Variants in CAPS2 observed in about 807,000 individuals in gnomAD.
The protein encoded by CAPS2 is calcyphosin-2.
A neutral mutation model predicts 86.5 loss-of-function variants in CAPS2; 98 were observed. The ratio of observed to expected loss-of-function variants is 1.13; its 90% CI spans 0.96 to 1.34. The LOEUF (loss-of-function observed/expected upper bound fraction) is 1.34. CAPS2 is among the 40% of genes most tolerant of loss of function. The pLI, the probability that CAPS2 is intolerant of heterozygous loss-of-function variation, is 0.00. For synonymous variants in CAPS2, 210 were observed against 225.1 expected (o/e 0.93, Z 0.60); for missense variants, 729 against 686.8 (o/e 1.06, Z -0.69).
rs374223368 is a variant in CAPS2 at position 75,316,654 on chromosome 12, G to A, written c.469-220C>T. On this transcript the variant is annotated intron_variant, in intron 5 of 16. Coordinates refer to ENST00000393284, the Ensembl canonical transcript of CAPS2. Reference sequence around the variant, plus strand: ...CTCAGGTGACTTATAGATAAAATGCGAATTAATAATAGGAACTACTTCCCC... The same window carrying A: ...CTCAGGTGACTTATAGATAAAATGCAAATTAATAATAGGAACTACTTCCCC... Among the ~76,000 whole-genome samples the A allele has an allele frequency of 7.2e-5, 11 of 152,072 alleles. No individual in the cohort carries two copies. In the South Asian group the frequency reaches 8.3e-4, roughly 11 times the overall value.
intron 13 of CAPS2, among the ~76,000 whole-genome samples, 190 bp downstream of exon 13, chr12:75,291,552 AGC>A (rs1234763286): frequency 1.2e-4 from 13 of 108,784 alleles, no homozygotes; most frequent in East Asian, 2.7e-4. Context: ...ATATATATAT[AGC>A]TTATTTTTAA....
intron 1 of CAPS2, among the ~76,000 whole-genome samples, chr12:75,340,042 G>T (rs1165092986): frequency 1.3e-5 from 2 of 151,758 alleles, no homozygotes; most frequent in Non-Finnish European, 2.9e-5. Context: ...TAGAATAATG[G>T]TCTCCAACTC....
Position 75,308,496 on chromosome 12 carries a change from G to A in CAPS2, c.660-3620C>T, listed in dbSNP as rs189757116. ...TTTAATAAATCTCTGCTTTTGTTGC[G>A]TCATCCTTTCCTTGCTTTGCTTTTG... On this transcript the variant is annotated intron_variant, in intron 7 of 16. Coordinates refer to ENST00000393284, the Ensembl canonical transcript of CAPS2. Among the ~76,000 whole-genome samples, 799 of 152,066 alleles carry A rather than the reference G, an allele frequency of 5.3e-3. 5 individuals carry two copies. The highest frequency in any genetic ancestry group is 0.017 in the African/African-American group (723 of 41,472).
At chr12:75,331,480 C>A (rs1437495468), upstream of CAPS2, among the ~76,000 whole-genome samples, 1 of 152,100 alleles carries the variant, frequency 6.6e-6, no homozygotes, top group Non-Finnish European at 1.5e-5. Flanking sequence ...CCATAAAATT[C>A]ATCTATCCAT....
At chr12:75,336,731 G>A (rs2041761791) in intron 1 of CAPS2, among the ~76,000 whole-genome samples, 4 of 151,248 alleles carry the variant, frequency 2.6e-5, no homozygotes, top group Admixed American at 2.6e-4. Flanking sequence ...AGAACAAGTA[G>A]GTAAAAATCA....
At chr12:75,295,499 T>C (rs2036726147) in intron 11 of CAPS2, among the ~76,000 whole-genome samples, 1 of 152,212 alleles carries the variant, frequency 6.6e-6, no homozygotes, top group African/African-American at 2.4e-5. Context: ...ATGTTTTCAA[T>C]ACAAAAATAG....
intron 13 of CAPS2, among the ~76,000 whole-genome samples, chr12:75,290,049 T>G (rs954964894): frequency 6.6e-6 from 1 of 152,196 alleles, no homozygotes; most frequent in Non-Finnish European, 1.5e-5. Flanking sequence ...AGTTTCACTT[T>G]ATCACCAAGA....
Position 75,291,533 on chromosome 12 carries a change from A to T in CAPS2, c.1240+211T>A, listed in dbSNP as rs867906077. Among the ~76,000 whole-genome samples, 56 of 89,744 alleles carry T rather than the reference A, an allele frequency of 6.2e-4. 2 individuals carry two copies. Among genetic ancestry groups the T allele is most frequent in the African/African-American group, 2.5e-3 (54 of 21,608 alleles). 58.9% of individuals were successfully genotyped at this position (89,744 alleles called of 152,430 possible). On this transcript the variant is annotated intron_variant, in intron 13 of 16. Coordinates refer to ENST00000393284, the Ensembl canonical transcript of CAPS2. ...TATATATATATATATAGCTTATTTT[A>T]AAAAGTATATATATATATAGCTTAT...
intron 1 of CAPS2, among the ~76,000 whole-genome samples, chr12:75,376,099 C>T (rs980497237): frequency 3.3e-5 from 5 of 152,164 alleles, no homozygotes; most frequent in Non-Finnish European, 5.9e-5. Flanking sequence ...TGGATCCCTT[C>T]GTCTACATTA....
downstream of CAPS2, chr12:75,276,349 C>A: frequency 6.9e-7 from 1 of 1,440,414 alleles, no homozygotes; most frequent in Non-Finnish European, 9.1e-7. Flanking sequence ...GTAAACATAG[C>A]CTAATGTACA....
At chr12:75,313,566 A>T (rs1457279549) in intron 6 of CAPS2, among the ~76,000 whole-genome samples, 2 of 152,202 alleles carry the variant, frequency 1.3e-5, no homozygotes, top group African/African-American at 4.8e-5. Context: ...TTTAGGTCAT[A>T]TCTAACTGAA....
At chr12:75,366,787 C>T (rs1051878728) in intron 1 of CAPS2, 1 of 686,362 alleles carries the variant, frequency 1.5e-6, no homozygotes, top group Non-Finnish European at 2.6e-6. Flanking sequence ...CAGTTTCTCT[C>T]TTCAGAGGTC....
exon 17 of CAPS2, chr12:75,278,532 T>C (rs1388411241): frequency 3.0e-6 from 3 of 994,732 alleles, no homozygotes; most frequent in Admixed American, 6.1e-5. Flanking sequence ...GGTTAATAAA[T>C]AGATGTTGCC....
At chr12:75,303,994 G>A (rs1593384715) in intron 8 of CAPS2, among the ~76,000 whole-genome samples, 3 of 152,268 alleles carry the variant, frequency 2.0e-5, no homozygotes, top group Admixed American at 2.0e-4. Flanking sequence ...AAAACCTCTA[G>A]AAGGAATGTA....
chr12:75,323,119 T>C (rs1302174230), intron 3 of CAPS2, 58 bp downstream of exon 4: 4 of 1,495,060 alleles, frequency 2.7e-6, no homozygotes, highest in Non-Finnish European at 2.7e-6. Flanking sequence ...ATTTCTTATA[T>C]GCTATGTGTA....
intron 6 of CAPS2, among the ~76,000 whole-genome samples, chr12:75,314,426 A>C (rs956020560): frequency 6.6e-6 from 1 of 152,088 alleles, no homozygotes; most frequent in African/African-American, 2.4e-5. Context: ...GCCTACACTG[A>C]ATCTAGTTTT....
chr12:75,293,509 T>C (rs1487050358), intron 11 of CAPS2, 142 bp from the exon 12 acceptor site: 4 of 639,444 alleles, frequency 6.3e-6, no homozygotes, highest in African/African-American at 1.9e-5. Flanking sequence ...AGAATGCTTA[T>C]ATGTATTTGG....
chr12:75,348,243 G>A (rs1200405019), intron 1 of CAPS2, among the ~76,000 whole-genome samples: 2 of 152,090 alleles, frequency 1.3e-5, no homozygotes, highest in African/African-American at 4.8e-5. Flanking sequence ...ATACTAGGAA[G>A]ACTATAAAAA....
intron 7 of CAPS2, among the ~76,000 whole-genome samples, chr12:75,308,600 G>A (rs2038781371): frequency 1.3e-5 from 2 of 152,078 alleles, no homozygotes; most frequent in Admixed American, 6.5e-5. Context: ...TGTTATTGTT[G>A]TTATTAATAT....
Sources: allele counts gnomAD v4.1 joint callset (sites outside exome capture counted in the v4.1 genomes callset), GRCh38; gene constraint gnomAD v4.1.1; transcripts MANE v1.5; gene names NCBI Gene and HGNC (gene_info 2026-07-23, HGNC 2026-07-21).